EBF2: variants seen among roughly 807,000 people sequenced by gnomAD.
EBF2 encodes the protein EBF transcription factor 2, also known as transcription factor COE2.
Under a neutral mutation model 72.8 loss-of-function variants are expected in EBF2, and 21 were observed. The observed-to-expected ratio is 0.29, with a 90% CI of 0.20 to 0.42. The LOEUF (loss-of-function observed/expected upper bound fraction) is 0.42, where lower values mean the gene tolerates loss of function less well. Among genes scored for constraint, EBF2 ranks in the 10% least tolerant of loss-of-function variants. The pLI is 1.00. For missense variants in EBF2, 637 were observed against 731.2 expected, an observed-to-expected ratio of 0.87 and a Z score of 1.49; for synonymous variants, 299 against 274.2, an observed-to-expected ratio of 1.09 and a Z score of -0.89.
At chr8:25,921,535 T>C (rs917352029) in intron 6 of EBF2, among the ~76,000 whole-genome samples, 7 of 152,336 alleles carry the variant, frequency 4.6e-5, no homozygotes, top group East Asian at 3.9e-4. Flanking sequence ...ATTTGTTCTT[T>C]TTGTCATTCA....
chr8:25,900,821 T>TA (rs34705656), intron 7 of EBF2, among the ~76,000 whole-genome samples: 4 of 150,508 alleles, frequency 2.7e-5, no homozygotes, highest in African/African-American at 7.3e-5. Context: ...GTGAGAAAAC[T>TA]AAAAAAAAAA....
chr8:25,970,428 G>T (rs1046648694), intron 6 of EBF2, among the ~76,000 whole-genome samples: 1 of 152,038 alleles, frequency 6.6e-6, no homozygotes. Context: ...GCTCTCCTTA[G>T]ACATATGAAC....
intron 6 of EBF2, among the ~76,000 whole-genome samples, chr8:26,005,206 G>GAT (rs566917773): frequency 0.014 from 1,324 of 97,750 alleles, 15 homozygotes; most frequent in South Asian, 0.027. Flanking sequence ...GGGAGATGGA[G>GAT]ATATATATAT....
chr8:25,865,669 G>A (rs34098409), intron 10 of EBF2, among the ~76,000 whole-genome samples: 19,901 of 151,256 alleles, frequency 0.13, 1,592 homozygotes, highest in African/African-American at 0.22. Context: ...TCAAGCAATC[G>A]TCCGCCTTGG....
At chr8:25,859,593 T>C (rs1050148124) in intron 13 of EBF2, among the ~76,000 whole-genome samples, 10 of 152,204 alleles carry the variant, frequency 6.6e-5, no homozygotes, top group African/African-American at 2.2e-4. Flanking sequence ...AATAAAACAC[T>C]TTGGATTACT....
At chr8:25,855,813 C>T (rs750588824) in intron 14 of EBF2, among the ~76,000 whole-genome samples, 2 of 152,200 alleles carry the variant, frequency 1.3e-5, no homozygotes, top group Non-Finnish European at 2.9e-5. Context: ...GGCTGCAACT[C>T]GTTCAGACCC....
intron 10 of EBF2, among the ~76,000 whole-genome samples, chr8:25,864,574 T>G (rs1802271146): frequency 6.6e-6 from 1 of 152,058 alleles, no homozygotes; most frequent in Admixed American, 6.6e-5. Context: ...GTTTATTATT[T>G]AACTTATCTG....
intron 10 of EBF2, among the ~76,000 whole-genome samples, chr8:25,863,513 T>C (rs1260403027): frequency 6.6e-6 from 1 of 152,198 alleles, no homozygotes; most frequent in Non-Finnish European, 1.5e-5. Flanking sequence ...GTTTTCTGCA[T>C]GCTGCTTTTA....
rs981639679 is a variant in EBF2, at chr8:25,889,858, T to C, written c.645A>G (p.Ser215=). ...RDMRRFQVVL[S]TTVNVDGHVL... ...CGTGTCCATCCACATTCACCGTTGT[T>C]GACAACACAACCTGCATATTTAAAG... is the stretch of plus-strand genomic sequence containing the variant. Residue 215 remains serine, a synonymous_variant, in exon 8 of 16, where the codon TCA becomes TCG. Coordinates refer to ENST00000520164, the MANE Select transcript of EBF2 (RefSeq NM_022659.4). 6 of 1,613,716 alleles carry C rather than the reference T, an allele frequency of 3.7e-6. No individual in the cohort carries two copies. In the African/African-American group the frequency reaches 8.0e-5, roughly 22 times the overall value.
At position 25,889,786 on chromosome 8, in the gene EBF2, A is replaced by G. The variant is rs755543713; in HGVS notation, c.717T>C (p.His239=). The G allele has an allele frequency of 7.4e-6, 12 of 1,614,084 alleles. No individual in the cohort carries two copies. The highest frequency in any genetic ancestry group is 1.0e-5 in the Non-Finnish European group (12 of 1,179,960). The part of the protein sequence containing the change: ...DNMFVHNNSK[H]GRRARRLDPS... ...GATCGAGTCTTCTTGCTCTCCGTCCATGCTTGGAGTTGTTATGAACAAACA... is the reference window on the plus strand; with the variant it reads ...GATCGAGTCTTCTTGCTCTCCGTCCGTGCTTGGAGTTGTTATGAACAAACA... Residue 239 remains histidine, a synonymous_variant, in exon 8 of 16, where the codon CAT becomes CAC. Coordinates refer to ENST00000520164, the MANE Select transcript of EBF2 (RefSeq NM_022659.4).
intron 7 of EBF2, among the ~76,000 whole-genome samples, chr8:25,893,433 C>T (rs1455053434): frequency 6.6e-6 from 1 of 151,862 alleles, no homozygotes; most frequent in Non-Finnish European, 1.5e-5. Context: ...ATTACAGGTA[C>T]CTGCCACCAC....
intron 6 of EBF2, among the ~76,000 whole-genome samples, chr8:25,955,921 T>C (rs751414733): frequency 6.6e-6 from 1 of 152,166 alleles, no homozygotes; most frequent in Non-Finnish European, 1.5e-5. Context: ...GTTAGTCAGG[T>C]ACAGGGGCTC....
At chr8:25,935,076 G>T (rs1015042285) in intron 6 of EBF2, among the ~76,000 whole-genome samples, 6 of 152,168 alleles carry the variant, frequency 3.9e-5, no homozygotes, top group African/African-American at 1.4e-4. Context: ...AGACTCAATT[G>T]ACTGTAACCC....
intron 6 of EBF2, chr8:26,031,998 T>C (rs1158000045): frequency 6.6e-6 from 1 of 152,218 alleles, no homozygotes; most frequent in Non-Finnish European, 1.5e-5. Context: ...ACAAACATTT[T>C]ATATTTGCCC....
At chr8:26,000,250 C>A (rs1036867447) in intron 6 of EBF2, among the ~76,000 whole-genome samples, 3 of 152,114 alleles carry the variant, frequency 2.0e-5, no homozygotes, top group African/African-American at 7.2e-5. Context: ...TGTCACTGGG[C>A]ACCACAGTTT....
intron 7 of EBF2, among the ~76,000 whole-genome samples, chr8:25,900,821 TA>T (rs34705656): frequency 0.58 from 86,552 of 150,510 alleles, 25,079 homozygotes; most frequent in East Asian, 0.75. Context: ...GTGAGAAAAC[TA>T]AAAAAAAAAT....
intron 6 of EBF2, among the ~76,000 whole-genome samples, chr8:25,951,409 A>G (rs928215876): frequency 1.3e-5 from 2 of 152,154 alleles, no homozygotes; most frequent in Non-Finnish European, 2.9e-5. Flanking sequence ...CTGCTCCAGA[A>G]TGCTAGTTGG....
intron 6 of EBF2, among the ~76,000 whole-genome samples, chr8:25,933,562 C>T (rs1053801468): frequency 5.9e-5 from 9 of 152,030 alleles, no homozygotes; most frequent in African/African-American, 1.7e-4. Context: ...CCTTTGACCC[C>T]GCAATTCTAT....
intron 6 of EBF2, among the ~76,000 whole-genome samples, chr8:25,976,992 T>C (rs1706918847): frequency 6.6e-6 from 1 of 152,228 alleles, no homozygotes; most frequent in African/African-American, 2.4e-5. Flanking sequence ...CTGTAAGTGA[T>C]TCCAGATGTG....
Sources: allele counts gnomAD v4.1 joint callset (sites outside exome capture counted in the v4.1 genomes callset), GRCh38; gene constraint gnomAD v4.1.1; transcripts MANE v1.5; gene names NCBI Gene and HGNC (gene_info 2026-07-23, HGNC 2026-07-21).